PGS1: variants seen among roughly 807,000 people sequenced by gnomAD.
PGS1 encodes the protein phosphatidylglycerophosphate synthase 1, also known as CDP-diacylglycerol--glycerol-3-phosphate 3-phosphatidyltransferase, mitochondrial.
Under a neutral mutation model 58.3 loss-of-function variants are expected in PGS1, and 44 were observed. The ratio of observed to expected loss-of-function variants is 0.75; its 90% CI spans 0.59 to 0.97. PGS1 has a LOEUF of 0.97. Ranked by LOEUF, PGS1 falls within the 50% of genes least tolerant of loss-of-function variation. The pLI, the probability that PGS1 is intolerant of heterozygous loss-of-function variation, is 0.00. For synonymous variants in PGS1, 330 were observed against 311.0 expected, an observed-to-expected ratio of 1.06 and a Z score of -0.64; for missense variants, 684 against 731.1, an observed-to-expected ratio of 0.94 and a Z score of 0.74.
chr17:78,386,215 AGAGTGGCAGGCT>A (rs1218373963), intron 1 of PGS1, among the ~76,000 whole-genome samples: 1 of 152,082 alleles, frequency 6.6e-6, no homozygotes, highest in East Asian at 1.9e-4. Flanking sequence ...TTTCACCTTT[AGAGTGGCAGGCT>A]GAGGATTGTT....
At chr17:78,418,362 G>A (rs891162988) in intron 8 of PGS1, among the ~76,000 whole-genome samples, 1 of 152,240 alleles carries the variant, frequency 6.6e-6, no homozygotes, top group African/African-American at 2.4e-5. Context: ...ATGATTGGCC[G>A]CCTGCCTTCT....
intron 9 of PGS1, chr17:78,423,605 G>T: frequency 2.7e-6 from 1 of 365,430 alleles, no homozygotes; most frequent in Non-Finnish European, 5.1e-6. Context: ...TTCCTGGAAT[G>T]CTTGCCTCTG....
chr17:78,413,003 C>G (rs1280018382), intron 7 of PGS1, among the ~76,000 whole-genome samples: 1 of 152,198 alleles, frequency 6.6e-6, no homozygotes, highest in African/African-American at 2.4e-5. Flanking sequence ...TCGGCTTGGA[C>G]CAACCTGGGC....
At chr17:78,388,096 A>C (rs1375789055) in intron 1 of PGS1, among the ~76,000 whole-genome samples, 1 of 152,198 alleles carries the variant, frequency 6.6e-6, no homozygotes, top group Non-Finnish European at 1.5e-5. Context: ...TTTCCTCTCT[A>C]ACAAAAATAA....
At chr17:78,387,019 T>C (rs952175871) in intron 1 of PGS1, among the ~76,000 whole-genome samples, 1 of 151,242 alleles carries the variant, frequency 6.6e-6, no homozygotes, top group African/African-American at 2.4e-5. Context: ...TGATGATGAT[T>C]AGCATTTTTG....
chr17:78,400,774 G>T lies in PGS1; in HGVS notation c.799G>T (p.Asp267Tyr). 6.2e-7 allele frequency: 1 copy of T among 1,613,986 alleles called. No homozygotes were observed. The highest frequency in any genetic ancestry group is 1.1e-5 in the South Asian group (1 of 91,076). ...EIADFFTELVDAVGDVSLQLQ... is the reference protein window; with the variant it reads ...EIADFFTELVYAVGDVSLQLQ... Reference sequence around the variant, plus strand: ...TGCCGACTTCTTCACGGAGCTGGTGGACGCGGTGGGGGATGTGTCCCTGCA... The same window carrying T: ...TGCCGACTTCTTCACGGAGCTGGTGTACGCGGTGGGGGATGTGTCCCTGCA... Residue 267 changes from aspartate to tyrosine, a missense_variant, in exon 6 of 10, where the codon GAC (aspartate) becomes TAC (tyrosine). Transcript: ENST00000262764. This position sits in a 1 kb window ranked among gnomAD's most constrained non-coding sequence, Gnocchi z 4.4.
Position 78,419,549 on chromosome 17 carries a change from C to G in PGS1, c.1555C>G (p.Gln519Glu). ...QALQQQLHQE[Q>E]EQLYLRSGVV... ...CCTGTCTGTTCCTCTTCCTCAGGAG[C>G]AAGAGCAGCTCTACCTGAGGTCAGG... The change falls in exon 9 of 10, where the codon CAA becomes GAA. Residue 519 changes from glutamine to glutamate, a missense_variant. Coordinates refer to ENST00000262764, the MANE Select transcript of PGS1 (RefSeq NM_024419.5). 1 of 1,613,248 alleles carries G rather than the reference C, an allele frequency of 6.2e-7. No homozygotes were observed. Among genetic ancestry groups the G allele is most frequent in the Non-Finnish European group, 8.5e-7 (1 of 1,179,306 alleles).
At chr17:78,408,586 C>T (rs2084357611) in intron 7 of PGS1, among the ~76,000 whole-genome samples, 2 of 152,206 alleles carry the variant, frequency 1.3e-5, no homozygotes, top group South Asian at 2.1e-4. Flanking sequence ...AATAGATTGG[C>T]AGAAGGGAGT....
Position 78,424,349 on chromosome 17 carries a change from G to A in PGS1, c.*299G>A, listed in dbSNP as rs972080782. Reference sequence around the variant, plus strand: ...CTGCATGTTGTAACTACCCCGTCCCGCTGGGCTCAAGGAACAGCTCAGCTA... The same window carrying A: ...CTGCATGTTGTAACTACCCCGTCCCACTGGGCTCAAGGAACAGCTCAGCTA... On this transcript the variant is annotated 3_prime_UTR_variant, in exon 10 of 10. Coordinates refer to ENST00000262764, the MANE Select transcript of PGS1 (RefSeq NM_024419.5). 9 of 617,172 alleles carry A rather than the reference G, an allele frequency of 1.5e-5. No homozygotes were observed. Among genetic ancestry groups the A allele is most frequent in the East Asian group, 8.6e-5 (3 of 34,824 alleles). The allele number at this position is 617,172 out of a possible 1,614,324, so 38.2% of individuals were successfully genotyped here. A position where few individuals can be genotyped will look rare whatever the true frequency, so the allele number is the denominator to read the frequency against.
rs1278739227 is a variant in PGS1, at chr17:78,404,167, C to T, written c.1402+78C>T. 8.4e-6 allele frequency: 12 copies of T among 1,424,906 alleles called. No individual in the cohort carries two copies. The East Asian group carries it at 3.0e-4, about 36-fold the overall frequency. 88.3% of individuals were successfully genotyped at this position (1,424,906 alleles called of 1,614,324 possible). ...GGCAGGGGGTGGGGAGCCCTGGCGC[C>T]TACCTGTTAGAGTGCTGTACTTCTC... On this transcript the variant is annotated intron_variant, in intron 7 of 9. Transcript: ENST00000262764.
intron 7 of PGS1, among the ~76,000 whole-genome samples, chr17:78,405,367 C>T (rs2084044510): frequency 6.6e-6 from 1 of 152,188 alleles, no homozygotes; most frequent in Non-Finnish European, 1.5e-5. Context: ...GCCCAGTTTT[C>T]TTGTCTTTTC....
At chr17:78,396,609 C>T (rs2083245815) in intron 3 of PGS1, among the ~76,000 whole-genome samples, 1 of 152,222 alleles carries the variant, frequency 6.6e-6, no homozygotes. Context: ...TGGTCTGGGC[C>T]TTCTAGGCCT....
chr17:78,409,703 T>A (rs1358501262), intron 7 of PGS1, among the ~76,000 whole-genome samples: 1 of 152,228 alleles, frequency 6.6e-6, no homozygotes, highest in Non-Finnish European at 1.5e-5. Context: ...CCCCTCCGTG[T>A]TTTTACTGGA....
chr17:78,406,055 G>A (rs1260713755), intron 7 of PGS1, among the ~76,000 whole-genome samples: 6 of 151,066 alleles, frequency 4.0e-5, no homozygotes, highest in Middle Eastern at 3.4e-3. Flanking sequence ...GGTGGCTCAC[G>A]CCTGTAATCC....
At chr17:78,422,683 A>G (rs2085974173) in intron 9 of PGS1, among the ~76,000 whole-genome samples, 1 of 151,912 alleles carries the variant, frequency 6.6e-6, no homozygotes, top group East Asian at 1.9e-4. Flanking sequence ...TTTTTGATTG[A>G]TAGAGATGGT....
intron 7 of PGS1, among the ~76,000 whole-genome samples, chr17:78,404,478 C>T (rs916152467): frequency 7.2e-5 from 11 of 151,918 alleles, no homozygotes; most frequent in African/African-American, 2.7e-4. Flanking sequence ...TGGGATTTTA[C>T]CATGTTGCCC....
chr17:78,404,279 ATTTTT>A (rs34032688), intron 7 of PGS1, among the ~76,000 whole-genome samples, 190 bp downstream of exon 7: 170 of 122,634 alleles, frequency 1.4e-3, no homozygotes, highest in African/African-American at 1.7e-3. Flanking sequence ...CCTCAAGGGA[ATTTTT>A]TTTTTTTTTT....
intron 9 of PGS1, 113 bp from the exon 10 acceptor site, chr17:78,423,948 C>T (rs372004613): frequency 4.5e-5 from 73 of 1,613,862 alleles, no homozygotes; most frequent in East Asian, 1.1e-4. Flanking sequence ...GGATCCACTT[C>T]GCTGCCTTCT....
intron 1 of PGS1, among the ~76,000 whole-genome samples, chr17:78,381,197 A>C (rs1270962160): frequency 6.6e-6 from 1 of 152,020 alleles, no homozygotes. Context: ...AGATAGTCTA[A>C]ATTGACTTTC....
Sources: allele counts gnomAD v4.1 joint callset (sites outside exome capture counted in the v4.1 genomes callset), GRCh38; gene constraint gnomAD v4.1.1; non-coding constraint Gnocchi (gnomAD v3.1); transcripts MANE v1.5; gene names NCBI Gene and HGNC (gene_info 2026-07-23, HGNC 2026-07-21).